The following NME8 variants were observed in gnomAD, a reference collection of about 807,000 sequenced individuals.
NME8 encodes the protein NME/NM23 family member 8.
NME8 carries 72 observed loss-of-function variants against 82.3 expected under a neutral mutation model. The ratio of observed to expected loss-of-function variants is 0.87; its 90% CI spans 0.72 to 1.06. NME8 has a LOEUF of 1.06. Among genes scored for constraint, NME8 ranks in the 50% least tolerant of loss-of-function variants. The probability of loss-of-function intolerance (pLI) is 0.00; values close to 1 mark genes in which losing one functional copy is unlikely to be tolerated. For synonymous variants in NME8, 267 were observed against 228.5 expected (o/e 1.17, Z -1.52); for missense variants, 712 against 685.4 (o/e 1.04, Z -0.43).
intron 11 of NME8, among the ~76,000 whole-genome samples, chr7:37,875,541 T>C (rs1222969121): frequency 6.6e-6 from 1 of 152,036 alleles, no homozygotes; most frequent in East Asian, 1.9e-4. Flanking sequence ...GGGAGTTCTT[T>C]GTCCTAGTCT....
chr7:37,888,333 A>T lies in NME8; in HGVS notation c.1304A>T (p.Asp435Val). 6.2e-7 allele frequency: 1 copy of T among 1,613,416 alleles called. No homozygotes were observed. Among genetic ancestry groups the T allele is most frequent in the Non-Finnish European group, 8.5e-7 (1 of 1,179,468 alleles). The change falls in exon 15 of 18, where the codon GAT becomes GTT. Residue 435 changes from aspartate (D) to valine (V), a missense_variant. Physicochemically the swap from Asp to Val is radical, Grantham distance 152 (BLOSUM62 -3). Transcript: ENST00000199447. ...SLPVNQLYGS[D>V]SLETAEREIQ... The stretch of plus-strand genomic sequence containing the variant: ...CCGGTCAACCAGTTGTATGGCAGCG[A>T]TTCATTAGAAACCGCTGAAAGGGAA...
chr7:37,883,321 C>T (rs1380640727), intron 12 of NME8, among the ~76,000 whole-genome samples: 1 of 152,152 alleles, frequency 6.6e-6, no homozygotes, highest in Non-Finnish European at 1.5e-5. Flanking sequence ...TCAGTGTCTT[C>T]TAAGAATTTA....
chr7:37,895,945 G>A (rs547587725), intron 16 of NME8, among the ~76,000 whole-genome samples: 9 of 152,176 alleles, frequency 5.9e-5, no homozygotes, highest in Admixed American at 2.6e-4. Context: ...TATATTCTAG[G>A]ATGTTTGCAC....
At position 37,866,908 on chromosome 7, in the gene NME8, C is replaced by T. The variant is rs140052331; in HGVS notation, c.622-794C>T. On this transcript the variant is annotated intron_variant, in intron 10 of 17. Coordinates refer to ENST00000199447, the MANE Select transcript of NME8 (RefSeq NM_016616.5). ...GGTTCTTCCTGGAGAGGTGGGACAA[C>T]TTGAAGCAGGGTTGCTTCCAGGTCT... 1.7e-3 allele frequency among the ~76,000 whole-genome samples: 253 copies of T among 152,260 alleles called. 1 individual carries two copies. The highest frequency in any genetic ancestry group is 5.8e-3 in the African/African-American group (243 of 41,542).
intron 5 of NME8, among the ~76,000 whole-genome samples, chr7:37,853,178 G>A (rs901299358): frequency 1.3e-5 from 2 of 152,028 alleles, no homozygotes; most frequent in African/African-American, 4.8e-5. Context: ...TGGGTTGTTT[G>A]TTCTCTTATT....
intron 6 of NME8, among the ~76,000 whole-genome samples, chr7:37,861,130 A>G (rs895029778): frequency 6.6e-6 from 1 of 152,166 alleles, no homozygotes; most frequent in Non-Finnish European, 1.5e-5. Context: ...TTTTACAAAC[A>G]ATTTTAATCA....
chr7:37,896,239 A>T (rs1785227471), intron 16 of NME8, among the ~76,000 whole-genome samples: 1 of 152,224 alleles, frequency 6.6e-6, no homozygotes, highest in Middle Eastern at 3.2e-3. Context: ...CAGCTTAGAA[A>T]ACTAACTTTC....
At chr7:37,882,611 G>GAAAGAAAA (rs1562838344) in intron 12 of NME8, among the ~76,000 whole-genome samples, 1 of 49,230 alleles carries the variant, frequency 2.0e-5, no homozygotes. Context: ...GAGAGAGAGA[G>GAAAGAAAA]AGAGAAAGAA....
At chr7:37,869,051 C>T (rs1350316374) in intron 11 of NME8, among the ~76,000 whole-genome samples, 3 of 152,082 alleles carry the variant, frequency 2.0e-5, no homozygotes, top group East Asian at 1.9e-4. Flanking sequence ...TGTGTCTCCC[C>T]GTGCTTGGCA....
intron 8 of NME8, 130 bp from the exon 9 acceptor site, chr7:37,864,218 G>A (rs1784639997): frequency 8.7e-7 from 1 of 1,143,016 alleles, no homozygotes; most frequent in African/African-American, 1.5e-5. Context: ...GCCGTAGTAA[G>A]ATACACAGCT....
intron 15 of NME8, among the ~76,000 whole-genome samples, chr7:37,891,804 G>A (rs1036556823): frequency 6.6e-6 from 1 of 151,928 alleles, no homozygotes; most frequent in Non-Finnish European, 1.5e-5. Context: ...AAAAAGTTGG[G>A]ATGGATAGGC....
In NME8 at chr7:37,850,311, A is replaced by G. The variant is rs188238656; in HGVS notation, c.33+12A>G. 7 of 1,614,168 alleles carry G rather than the reference A, an allele frequency of 4.3e-6. No homozygotes were observed. The highest frequency in any genetic ancestry group is 2.2e-5 in the East Asian group (1 of 44,890). On this transcript the variant is annotated intron_variant, in intron 3 of 17. Coordinates refer to ENST00000199447, the MANE Select transcript of NME8 (RefSeq NM_016616.5). ...AAGTCCAGTTACAGGTGGGTCTGAC[A>G]TATCAACAATTCTTTATCTGGTGCA...
intron 8 of NME8, 46 bp downstream of exon 8, chr7:37,863,508 G>T: frequency 9.2e-7 from 1 of 1,088,896 alleles, no homozygotes; most frequent in Non-Finnish European, 1.4e-6. Context: ...TCTGTACGTG[G>T]GCGGTCATCA....
intron 15 of NME8, among the ~76,000 whole-genome samples, chr7:37,891,264 A>C (rs1343674003): frequency 6.6e-6 from 1 of 151,820 alleles, no homozygotes; most frequent in Non-Finnish European, 1.5e-5. Flanking sequence ...TTCACTATGC[A>C]GAATTTAGTT....
In NME8 at chr7:37,888,285, C is replaced by CACAGTTTGCGATGG. The variant is rs1253464854; in HGVS notation, c.1266_1279dup (p.Pro427ArgfsTer16). ...TGACTTCTTTTTCAAAGTTTATGTG[C>CACAGTTTGCGATGG]ACAGTTTGCGATGGACAGTTTGCCG... is the stretch of plus-strand genomic sequence containing the variant. On this transcript the variant is annotated frameshift_variant, in exon 15 of 18. Coordinates refer to ENST00000199447, the MANE Select transcript of NME8 (RefSeq NM_016616.5). LOFTEE classifies it high-confidence loss of function. 1.2e-6 allele frequency: 2 copies of CACAGTTTGCGATGG among 1,613,460 alleles called. No individual in the cohort carries two copies. Among genetic ancestry groups the CACAGTTTGCGATGG allele is most frequent in the Non-Finnish European group, 1.7e-6 (2 of 1,179,586 alleles).
At chr7:37,855,640 G>A (rs1171197589) in intron 5 of NME8, among the ~76,000 whole-genome samples, 1 of 152,140 alleles carries the variant, frequency 6.6e-6, no homozygotes, top group South Asian at 2.1e-4. Flanking sequence ...GTCAGCAGCA[G>A]CTGCTTCTCC....
rs1454462974 is a variant in NME8, at chr7:37,863,394, A to G, written c.388-2A>G. On this transcript the variant is annotated splice_acceptor_variant, in intron 7 of 17. Transcript: ENST00000199447. LOFTEE classifies it high-confidence loss of function. ...TCTTTGCATTGCATTTCTTTTTCAT[A>G]GTATCCTGAAATTCCATTAGTAGAC... is the stretch of plus-strand genomic sequence containing the variant. The G allele has an allele frequency of 1.3e-6, 2 of 1,557,302 alleles. No individual in the cohort carries two copies. The highest frequency in any genetic ancestry group is 2.7e-5 in the African/African-American group (2 of 73,812).
intron 12 of NME8, among the ~76,000 whole-genome samples, chr7:37,877,704 C>A (rs1400146999): frequency 6.6e-6 from 1 of 152,124 alleles, no homozygotes; most frequent in Non-Finnish European, 1.5e-5. Context: ...CATTCTTTGT[C>A]CAGGGTGGAG....
intron 6 of NME8, among the ~76,000 whole-genome samples, chr7:37,861,599 G>T (rs1488222509): frequency 6.6e-6 from 1 of 152,172 alleles, no homozygotes; most frequent in Non-Finnish European, 1.5e-5. Context: ...ATACCATTGT[G>T]CCTGGTACGG....
Sources: allele counts gnomAD v4.1 joint callset (sites outside exome capture counted in the v4.1 genomes callset), GRCh38; gene constraint gnomAD v4.1.1; transcripts MANE v1.5; gene names NCBI Gene and HGNC (gene_info 2026-07-23, HGNC 2026-07-21).